The following SORL1 variants were observed in gnomAD, a reference collection of about 807,000 sequenced individuals.
SORL1 encodes the protein sortilin-related receptor.
A neutral mutation model predicts 273.7 loss-of-function variants in SORL1; 127 were observed. That is an observed-to-expected ratio of 0.46 (90% confidence interval 0.40 to 0.54). The LOEUF (loss-of-function observed/expected upper bound fraction) is 0.54, where lower values mean the gene tolerates loss of function less well. Ranked by LOEUF, SORL1 falls within the 20% of genes least tolerant of loss-of-function variation. SORL1 has a pLI of 0.00. For missense variants in SORL1, 2,494 were observed against 2,846.1 expected (o/e 0.88, Z 2.81); for synonymous variants, 1,031 against 1,067.4 (o/e 0.97, Z 0.66).
At position 121,631,621 on chromosome 11, in the gene SORL1, C is replaced by T. The variant is rs1044313910; in HGVS notation, c.*2058C>T. ...CTCTGAGATGTTATTTTCAGTTATT[C>T]CATAGGCAAGCCTTTTTACAGAGCA... On this transcript the variant is annotated 3_prime_UTR_variant, in exon 48 of 48. Coordinates refer to ENST00000260197, the MANE Select transcript of SORL1 (RefSeq NM_003105.6). The T allele has an allele frequency of 6.6e-6, 1 of 152,112 alleles. No individual in the cohort carries two copies. The highest frequency in any genetic ancestry group is 2.4e-5 in the African/African-American group (1 of 41,410). 9.4% of individuals were successfully genotyped at this position (152,112 alleles called of 1,614,324 possible). A position where few individuals can be genotyped will look rare whatever the true frequency, so the allele number is the denominator to read the frequency against.
chr11:121,525,226 A>G (rs974901311), intron 11 of SORL1, among the ~76,000 whole-genome samples: 2 of 152,174 alleles, frequency 1.3e-5, no homozygotes, highest in Admixed American at 1.3e-4. Flanking sequence ...CACACAGTAT[A>G]TACTCTTTTT....
chr11:121,550,399 C>T lies in SORL1; in HGVS notation c.2181-186C>T, dbSNP rs564113258. On this transcript the variant is annotated intron_variant, in intron 15 of 47. Transcript: ENST00000260197. The surrounding 1 kb of genome is among the most constrained non-coding windows in gnomAD (Gnocchi z 5.3). ...TGGCCAGGACAGTGCCCTAAATTGTCTGGGCCTGCCTAGTCTAATTATAAG... is the reference window on the plus strand; with the variant it reads ...TGGCCAGGACAGTGCCCTAAATTGTTTGGGCCTGCCTAGTCTAATTATAAG... Among the ~76,000 whole-genome samples, 1 of 152,304 alleles carries T rather than the reference C, an allele frequency of 6.6e-6. No homozygotes were observed. Among genetic ancestry groups the T allele is most frequent in the Non-Finnish European group, 1.5e-5 (1 of 68,030 alleles).
intron 11 of SORL1, 147 bp downstream of exon 11, chr11:121,523,136 C>G: frequency 1.6e-6 from 1 of 629,940 alleles, no homozygotes; most frequent in Non-Finnish European, 2.9e-6. Context: ...AGAAAGGTAC[C>G]TGAAGCCACT....
chr11:121,588,233 C>G, intron 28 of SORL1, 82 bp downstream of exon 28: 1 of 1,515,276 alleles, frequency 6.6e-7, no homozygotes, highest in South Asian at 1.1e-5. Flanking sequence ...GGTTGTGTCT[C>G]TATTTAATAA....
chr11:121,525,126 C>T (rs975844089), intron 11 of SORL1, among the ~76,000 whole-genome samples: 1 of 152,218 alleles, frequency 6.6e-6, no homozygotes, highest in Non-Finnish European at 1.5e-5. Context: ...TCCCACTCTC[C>T]AGTCTTGTCC....
intron 40 of SORL1, among the ~76,000 whole-genome samples, chr11:121,613,499 T>C (rs1019653782): frequency 5.9e-5 from 9 of 152,228 alleles, no homozygotes; most frequent in African/African-American, 1.7e-4. Context: ...TGAGTCCTTG[T>C]CATAGCCTTA....
chr11:121,486,135 A>T (rs1193447312), intron 3 of SORL1, among the ~76,000 whole-genome samples: 1 of 152,206 alleles, frequency 6.6e-6, no homozygotes, highest in Non-Finnish European at 1.5e-5. Context: ...CCTTGGGCTT[A>T]TCCTGCAGGA....
chr11:121,533,455 C>A (rs1862229255), intron 12 of SORL1, among the ~76,000 whole-genome samples: 1 of 152,122 alleles, frequency 6.6e-6, no homozygotes, highest in Non-Finnish European at 1.5e-5. Flanking sequence ...AGTTTGTAAC[C>A]TCTACACCCT....
intron 32 of SORL1, among the ~76,000 whole-genome samples, chr11:121,598,601 C>T (rs560050750): frequency 8.5e-5 from 13 of 152,324 alleles, no homozygotes; most frequent in South Asian, 4.1e-4. Flanking sequence ...AAGTGATCTT[C>T]GCTTGCCTGT....
chr11:121,514,143 A>T lies in SORL1; in HGVS notation c.1042-9A>T, dbSNP rs1268676789. 2 of 1,608,002 alleles carry T rather than the reference A, an allele frequency of 1.2e-6. No individual in the cohort carries two copies. Among genetic ancestry groups the T allele is most frequent in the Admixed American group, 1.7e-5 (1 of 58,450 alleles). ...TTTGACGTATCTTTTTTGACTTTTG[A>T]TTCCAAAGGAATATTACATCGCAGA... On this transcript the variant is annotated splice_polypyrimidine_tract_variant and intron_variant, in intron 7 of 47. Transcript: ENST00000260197.
intron 12 of SORL1, among the ~76,000 whole-genome samples, chr11:121,539,099 C>A (rs1042187144): frequency 1.3e-5 from 2 of 152,298 alleles, no homozygotes; most frequent in African/African-American, 4.8e-5. Context: ...AACTAGAAGT[C>A]TTATCTTGGG....
chr11:121,558,620 T>A lies in SORL1; in HGVS notation c.2693T>A (p.Leu898Gln). The part of the protein sequence containing the change: ...GVMFWTDWGD[L>Q]KPGIYRSNMD... ...ATGTTCTGGACAGACTGGGGAGACC[T>A]GAAGCCTGGGATTTATCGGAGCAAT... Residue 898 changes from leucine (L) to glutamine (Q), a missense_variant, in exon 20 of 48, where the codon CTG (leucine) becomes CAG (glutamine). By Grantham distance (113) the Leu-to-Gln change is moderately radical (BLOSUM62 -2). Transcript: ENST00000260197. 1 of 1,614,150 alleles carries A rather than the reference T, an allele frequency of 6.2e-7. No homozygotes were observed. Among genetic ancestry groups the A allele is most frequent in the Non-Finnish European group, 8.5e-7 (1 of 1,180,018 alleles).
intron 32 of SORL1, among the ~76,000 whole-genome samples, chr11:121,602,471 C>T (rs185300161): frequency 1.3e-5 from 2 of 152,212 alleles, no homozygotes; most frequent in Non-Finnish European, 2.9e-5. Flanking sequence ...CCACCTCCCC[C>T]ATCCTTGTAT....
chr11:121,454,572 C>T (rs1860869386), intron 1 of SORL1, among the ~76,000 whole-genome samples: 2 of 152,048 alleles, frequency 1.3e-5, no homozygotes, highest in South Asian at 4.2e-4. Flanking sequence ...GAATTCCTAA[C>T]CGGAGGGTGA....
intron 37 of SORL1, among the ~76,000 whole-genome samples, chr11:121,607,767 A>G (rs1863500413): frequency 6.6e-6 from 1 of 152,218 alleles, no homozygotes; most frequent in East Asian, 1.9e-4. Context: ...TGACTCTCAC[A>G]CTGATAATTT....
chr11:121,557,103 A>G (rs1401622371), intron 18 of SORL1: 1 of 586,414 alleles, frequency 1.7e-6, no homozygotes, highest in African/African-American at 1.9e-5. Flanking sequence ...CTCCTCTTTC[A>G]GACCACTTGA....
In SORL1 at chr11:121,596,911, T is replaced by C. The variant is rs1368302358; in HGVS notation, c.4519+1139T>C. On this transcript the variant is annotated intron_variant, in intron 32 of 47. Transcript: ENST00000260197. The surrounding 1 kb of genome is among the most constrained non-coding windows in gnomAD (Gnocchi z 4.3). ...TTGGAATCCTACCAAGTCTTACCAT[T>C]TAGAGATGGAATAGAATCTGAGGTG... Among the ~76,000 whole-genome samples, 1 of 152,108 alleles carries C rather than the reference T, an allele frequency of 6.6e-6. No homozygotes were observed. The highest frequency in any genetic ancestry group is 1.9e-4 in the East Asian group (1 of 5,194).
chr11:121,578,709 G>T (rs956474628), intron 25 of SORL1, among the ~76,000 whole-genome samples: 5 of 152,182 alleles, frequency 3.3e-5, no homozygotes. Context: ...GGCCTTAAGG[G>T]AGTGAATAGA....
chr11:121,618,510 T>C (rs558469905), intron 41 of SORL1, among the ~76,000 whole-genome samples: 28 of 152,322 alleles, frequency 1.8e-4, no homozygotes, highest in African/African-American at 6.5e-4. Context: ...TTTATAATTA[T>C]GTATGTTTTT....
Sources: allele counts gnomAD v4.1 joint callset (sites outside exome capture counted in the v4.1 genomes callset), GRCh38; gene constraint gnomAD v4.1.1; non-coding constraint Gnocchi (gnomAD v3.1); transcripts MANE v1.5; gene names NCBI Gene and HGNC (gene_info 2026-07-23, HGNC 2026-07-21).